Variants in PEX1 observed in about 807,000 individuals in gnomAD.
PEX1 encodes the protein peroxisomal biogenesis factor 1, also known as peroxisomal ATPase PEX1.
PEX1 carries 97 observed loss-of-function variants against 152.5 expected under a neutral mutation model. That is an observed-to-expected ratio of 0.64 (90% CI 0.54 to 0.75). PEX1 has a LOEUF of 0.75. Ranked by LOEUF, PEX1 falls within the 30% of genes least tolerant of loss-of-function variation. PEX1 has a pLI of 0.00. For synonymous variants in PEX1, 485 were observed against 531.6 expected (o/e 0.91, Z 1.21); for missense variants, 1,357 against 1,516.3 (o/e 0.89, Z 1.74).
At chr7:92,501,414 C>A (rs866184663) in intron 15 of PEX1, 93 bp downstream of exon 15, 2 of 966,608 alleles carry the variant, frequency 2.1e-6, no homozygotes, top group Non-Finnish European at 1.7e-6. Context: ...TTGACTCACA[C>A]GGAGATTGGG....
chr7:92,494,288 G>A lies in PEX1; in HGVS notation c.3030+5C>T. 6.2e-7 allele frequency: 1 copy of A among 1,603,522 alleles called. No homozygotes were observed. Among genetic ancestry groups the A allele is most frequent in the Non-Finnish European group, 8.5e-7 (1 of 1,170,944 alleles). On this transcript the variant is annotated splice_donor_5th_base_variant and intron_variant, in intron 19 of 23. Coordinates refer to ENST00000248633, the MANE Select transcript of PEX1 (RefSeq NM_000466.3). ...GGTTTTGGACTCTAAATATGAAATTGTCACCTGATCAGGAGGAGGACAGTA... is the reference window on the plus strand; with the variant it reads ...GGTTTTGGACTCTAAATATGAAATTATCACCTGATCAGGAGGAGGACAGTA...
chr7:92,498,719 C>T (rs1347294533), intron 16 of PEX1, among the ~76,000 whole-genome samples: 3 of 152,016 alleles, frequency 2.0e-5, no homozygotes, highest in African/African-American at 7.2e-5. Context: ...TGCTAGCATG[C>T]CCCTTAATTA....
intron 9 of PEX1, among the ~76,000 whole-genome samples, chr7:92,508,159 G>A (rs1474710560): frequency 6.6e-6 from 1 of 150,460 alleles, no homozygotes; most frequent in Non-Finnish European, 1.5e-5. Flanking sequence ...ATGAAATCCA[G>A]TATCAATCTG....
intron 9 of PEX1, chr7:92,507,427 T>C (rs1384843691): frequency 3.2e-6 from 1 of 315,768 alleles, no homozygotes; most frequent in East Asian, 7.9e-5. Flanking sequence ...GTGTGTGCAT[T>C]TGTTGTAGAG....
At chr7:92,490,596 C>T (rs1176075842) in intron 21 of PEX1, among the ~76,000 whole-genome samples, 2 of 133,032 alleles carry the variant, frequency 1.5e-5, no homozygotes, top group East Asian at 4.5e-4. Context: ...AATTGTGCCA[C>T]TGCACTCTAG....
chr7:92,499,567 T>G (rs1791821520), intron 16 of PEX1, 137 bp downstream of exon 16: 1 of 719,662 alleles, frequency 1.4e-6, no homozygotes, highest in Admixed American at 2.3e-5. Flanking sequence ...AATGAAAAAG[T>G]TTTGAAATTA....
At chr7:92,489,942 G>A (rs1243323489) in intron 21 of PEX1, 31 bp from the exon 22 acceptor site, 1 of 1,544,722 alleles carries the variant, frequency 6.5e-7, no homozygotes, top group Non-Finnish European at 8.9e-7. Flanking sequence ...ATGAAAGATG[G>A]AAGGAAGAGG....
rs1554368097 is a variant in PEX1 at position 92,492,951 on chromosome 7, G to T, written c.3207+2C>A. The T allele has an allele frequency of 1.2e-6, 2 of 1,609,792 alleles. No homozygotes were observed. The highest frequency in any genetic ancestry group is 1.1e-5 in the South Asian group (1 of 90,980). On this transcript the variant is annotated splice_donor_variant, in intron 20 of 23. Coordinates refer to ENST00000248633, the MANE Select transcript of PEX1 (RefSeq NM_000466.3). LOFTEE classifies it high-confidence loss of function. ...TCATAACAACTTCCTCATATAACTT[G>T]CCTGGAGTCCACTCGAGAGCAGCAT...
rs749874311 is a variant in PEX1, at chr7:92,517,844, C to T, written c.671G>A (p.Gly224Glu). The T allele has an allele frequency of 6.5e-7, 1 of 1,543,572 alleles. No individual in the cohort carries two copies. Among genetic ancestry groups the T allele is most frequent in the Admixed American group, 2.1e-5 (1 of 47,372 alleles). The part of the protein sequence containing the change: ...QTKQLQSNTV[G>E]ITESNENESE... ...CTCGTTTTCATTAGATTCAGTGATTCCCACAGTATTTGACTGAAGTTGCTT... is the reference window on the plus strand; with the variant it reads ...CTCGTTTTCATTAGATTCAGTGATTTCCACAGTATTTGACTGAAGTTGCTT... The change falls in exon 5 of 24, where the codon GGA becomes GAA. Residue 224 changes from glycine (G) to glutamate (E), a missense_variant. Coordinates refer to ENST00000248633, the MANE Select transcript of PEX1 (RefSeq NM_000466.3).
At chr7:92,495,509 TA>T (rs1471511738) in intron 17 of PEX1, among the ~76,000 whole-genome samples, 2 of 152,200 alleles carry the variant, frequency 1.3e-5, no homozygotes, top group Non-Finnish European at 2.9e-5. Flanking sequence ...GTTACAGGAC[TA>T]CTCAGATTTT....
chr7:92,505,297 CAA>C (rs1792133995), intron 11 of PEX1, among the ~76,000 whole-genome samples: 1 of 151,274 alleles, frequency 6.6e-6, no homozygotes, highest in Non-Finnish European at 1.5e-5. Context: ...CCTGTAGTCC[CAA>C]TTACTCGGGA....
In PEX1 at chr7:92,493,179, T is replaced by A. The variant is rs181558175; in HGVS notation, c.3031-50A>T. On this transcript the variant is annotated intron_variant, in intron 19 of 23. Transcript: ENST00000248633. ...CAAATAAAAAATAAAATTAAAAATA[T>A]TATCTTAAATTGTGTATCTTATGAT... 3.0e-6 allele frequency: 3 copies of A among 1,008,576 alleles called. No homozygotes were observed. In the East Asian group the frequency reaches 8.0e-5, roughly 27 times the overall value. The allele number at this position is 1,008,576 out of a possible 1,614,324, so 62.5% of individuals were successfully genotyped here.
rs577062174 is a variant in PEX1 at position 92,500,112 on chromosome 7, A to G, written c.2584-274T>C. Among the ~76,000 whole-genome samples, 10 of 152,358 alleles carry G rather than the reference A, an allele frequency of 6.6e-5. No homozygotes were observed. The East Asian group carries it at 1.7e-3, about 26-fold the overall frequency. On this transcript the variant is annotated intron_variant, in intron 15 of 23. Coordinates refer to ENST00000248633, the MANE Select transcript of PEX1 (RefSeq NM_000466.3). ...AACTTCTATTTTTCCTGTTTTATTA[A>G]AAGTACTACATTTAAAAAGTACAAA... is the stretch of plus-strand genomic sequence containing the variant.
intron 8 of PEX1, among the ~76,000 whole-genome samples, chr7:92,510,253 C>T (rs1792397019): frequency 6.6e-6 from 1 of 151,880 alleles, no homozygotes; most frequent in South Asian, 2.1e-4. Context: ...ACTGCTTGAA[C>T]CCAGGAGTTC....
At position 92,501,962 on chromosome 7, in the gene PEX1, T is replaced by C. The variant is rs776813851; in HGVS notation, c.2344A>G (p.Arg782Gly). The C allele has an allele frequency of 1.2e-6, 2 of 1,613,048 alleles. No individual in the cohort carries two copies. The highest frequency in any genetic ancestry group is 3.3e-5 in the Admixed American group (2 of 60,014). Residue 782 changes from arginine to glycine, a missense_variant, in exon 14 of 24, where the codon AGA becomes GGA. By Grantham distance (125) the Arg-to-Gly change is moderately radical. Transcript: ENST00000248633. ...CGATCCACAAGTACTGTAAAATCTCTAGCCACAAACCCGCCAGTTTCTTTA... is the reference window on the plus strand; with the variant it reads ...CGATCCACAAGTACTGTAAAATCTCCAGCCACAAACCCGCCAGTTTCTTTA... Reference protein sequence around the residue: ...VAKETGGFVARDFTVLVDRAI... With the variant: ...VAKETGGFVAGDFTVLVDRAI...
chr7:92,528,278 G>A (rs1490232811), intron 1 of PEX1, 29 bp downstream of exon 1: 1 of 1,548,812 alleles, frequency 6.5e-7, no homozygotes, highest in Admixed American at 2.0e-5. Flanking sequence ...CCAGGCTGAA[G>A]ATCAGGTGGC....
intron 23 of PEX1, among the ~76,000 whole-genome samples, chr7:92,488,679 G>C (rs34965037): frequency 0.18 from 27,524 of 151,572 alleles, 3,025 homozygotes; most frequent in Admixed American, 0.27. Context: ...CTATACATTA[G>C]AATCACTTTC....
intron 5 of PEX1, among the ~76,000 whole-genome samples, chr7:92,516,067 AAAGAAAAGAAAAGAAAAG>A (rs1792756617): frequency 1.5e-5 from 2 of 134,692 alleles, no homozygotes; most frequent in African/African-American, 2.7e-5. Flanking sequence ...AAAGAAAAGA[AAAGAAAAGAAAAGAAAAG>A]AAAAGAAAAG....
chr7:92,499,921 GA>G (rs1585228873), intron 15 of PEX1, 83 bp from the exon 16 acceptor site: 6 of 1,135,080 alleles, frequency 5.3e-6, no homozygotes, highest in Admixed American at 2.0e-5. Flanking sequence ...TCAATGTATA[GA>G]AAAAAAATTC....
Sources: gnomAD v4.1 joint callset for allele counts (sites outside exome capture counted in the v4.1 genomes callset) on GRCh38, gnomAD v4.1.1 for gene constraint, MANE v1.5 for transcripts, NCBI Gene and HGNC (gene_info 2026-07-23, HGNC 2026-07-21) for gene names.